AGBL4: variants seen among roughly 807,000 people sequenced by gnomAD.
AGBL4 encodes the protein cytosolic carboxypeptidase 6.
In AGBL4, 58 loss-of-function variants were observed where a neutral mutation model predicts 66.4. That is an observed-to-expected ratio of 0.87 (90% CI 0.71 to 1.09). The LOEUF (loss-of-function observed/expected upper bound fraction) is 1.09. Ranked by LOEUF, AGBL4 falls within the 50% of genes least tolerant of loss-of-function variation. AGBL4 has a pLI of 0.00. For synonymous variants in AGBL4, 234 were observed against 222.9 expected (o/e 1.05, Z -0.44); for missense variants, 579 against 631.0 (o/e 0.92, Z 0.88).
At chr1:49,835,279 G>C (rs1050301591) in intron 2 of AGBL4, among the ~76,000 whole-genome samples, 16 of 152,190 alleles carry the variant, frequency 1.1e-4, no homozygotes, top group Middle Eastern at 3.4e-3. Context: ...TATGTATTTA[G>C]GATAGTTAGC....
At chr1:48,735,316 G>A (rs553806742) in intron 6 of AGBL4, among the ~76,000 whole-genome samples, 1 of 152,258 alleles carries the variant, frequency 6.6e-6, no homozygotes, top group South Asian at 2.1e-4. Flanking sequence ...CCTTGCAGAT[G>A]AAGGCTGTGT....
At chr1:49,305,947 C>T (rs1283226840) in intron 3 of AGBL4, among the ~76,000 whole-genome samples, 6 of 152,154 alleles carry the variant, frequency 3.9e-5, no homozygotes. Flanking sequence ...ACCTTGGCCT[C>T]CCAAAGTGCT....
intron 1 of AGBL4, among the ~76,000 whole-genome samples, chr1:49,879,530 G>T (rs1311712435): frequency 2.0e-5 from 3 of 146,518 alleles, no homozygotes; most frequent in Non-Finnish European, 3.0e-5. Flanking sequence ...CGAGAGATCC[G>T]CTGTTAGTCT....
intron 2 of AGBL4, among the ~76,000 whole-genome samples, chr1:49,770,810 T>A (rs575896509): frequency 6.6e-6 from 1 of 152,190 alleles, no homozygotes; most frequent in Non-Finnish European, 1.5e-5. Context: ...CTGCTGTTCA[T>A]AGGAATCTCT....
chr1:49,536,667 T>C (rs1169442893), intron 3 of AGBL4, among the ~76,000 whole-genome samples: 2 of 152,152 alleles, frequency 1.3e-5, no homozygotes, highest in East Asian at 1.9e-4. Flanking sequence ...TACAAGGCTA[T>C]AGTAACAAAA....
intron 3 of AGBL4, among the ~76,000 whole-genome samples, chr1:49,318,127 G>A (rs556991394): frequency 6.6e-6 from 1 of 152,020 alleles, no homozygotes; most frequent in East Asian, 1.9e-4. Flanking sequence ...GAAGCCCTAG[G>A]ACCAAATCTT....
chr1:48,974,249 T>A (rs1659142971), intron 5 of AGBL4, among the ~76,000 whole-genome samples: 1 of 152,116 alleles, frequency 6.6e-6, no homozygotes, highest in South Asian at 2.1e-4. Context: ...TTGAGCCAAG[T>A]ATGCCTGTCA....
intron 3 of AGBL4, among the ~76,000 whole-genome samples, chr1:49,695,872 C>T (rs1646973601): frequency 6.6e-6 from 1 of 152,034 alleles, no homozygotes; most frequent in South Asian, 2.1e-4. Flanking sequence ...ATTTGCACCC[C>T]CTTTTTGCTG....
At chr1:49,829,232 G>C (rs1395973275) in intron 2 of AGBL4, among the ~76,000 whole-genome samples, 1 of 152,102 alleles carries the variant, frequency 6.6e-6, no homozygotes, top group Non-Finnish European at 1.5e-5. Flanking sequence ...GATGGATTAT[G>C]AACTATTAGA....
intron 4 of AGBL4, among the ~76,000 whole-genome samples, chr1:49,078,610 C>T (rs981325038): frequency 5.3e-5 from 8 of 152,174 alleles, no homozygotes; most frequent in Admixed American, 3.3e-4. Flanking sequence ...CCAGCCCTCA[C>T]TAGCTCTCCC....
At chr1:49,961,122 T>C (rs779928427) in intron 1 of AGBL4, among the ~76,000 whole-genome samples, 63 of 152,186 alleles carry the variant, frequency 4.1e-4, no homozygotes, top group Non-Finnish European at 6.0e-4. Flanking sequence ...TAATTAGATA[T>C]GCATATTGGA....
chr1:49,642,022 C>A (rs1303758567), intron 3 of AGBL4, among the ~76,000 whole-genome samples: 1 of 150,336 alleles, frequency 6.7e-6, no homozygotes, highest in Non-Finnish European at 1.5e-5. Flanking sequence ...TATTTACATG[C>A]TTTCAGGTAA....
At chr1:49,702,571 A>G (rs1647119844) in intron 2 of AGBL4, among the ~76,000 whole-genome samples, 1 of 152,148 alleles carries the variant, frequency 6.6e-6, no homozygotes, top group Admixed American at 6.6e-5. Context: ...TTTCAAACTC[A>G]TTCTATGAAA....
At chr1:49,224,646 A>G (rs982140123) in intron 4 of AGBL4, among the ~76,000 whole-genome samples, 1 of 151,548 alleles carries the variant, frequency 6.6e-6, no homozygotes, top group African/African-American at 2.4e-5. Flanking sequence ...AGAAATTCGA[A>G]TTGGCCTTAG....
At chr1:49,179,904 T>A in intron 4 of AGBL4, among the ~76,000 whole-genome samples, 1 of 151,810 alleles carries the variant, frequency 6.6e-6, no homozygotes, top group East Asian at 1.9e-4. Flanking sequence ...TTTTTTTATT[T>A]TTTTTTTATT....
rs551767387 is a variant in AGBL4, at chr1:49,143,902, C to A, written c.378-98102G>T. ...ATGCCATTTTTCAATCCAGACTGAG[C>A]TGGTTCTCTAGTGTAAAATAGCCCC... On this transcript the variant is annotated intron_variant, in intron 4 of 13. Coordinates refer to ENST00000371839, the MANE Select transcript of AGBL4 (RefSeq NM_032785.4). Among the ~76,000 whole-genome samples the A allele has an allele frequency of 2.6e-5, 4 of 152,298 alleles. No individual in the cohort carries two copies. The South Asian group carries it at 8.3e-4, about 32-fold the overall frequency.
chr1:49,676,726 A>T (rs1646585639), intron 3 of AGBL4, among the ~76,000 whole-genome samples: 1 of 152,030 alleles, frequency 6.6e-6, no homozygotes, highest in African/African-American at 2.4e-5. Flanking sequence ...ATGTCCTATT[A>T]CCTTTATGAC....
chr1:49,552,405 C>A (rs2148839823), intron 3 of AGBL4, among the ~76,000 whole-genome samples: 1 of 152,326 alleles, frequency 6.6e-6, no homozygotes, highest in Non-Finnish European at 1.5e-5. Context: ...CCTCTAGCTA[C>A]CATCCTGATG....
intron 5 of AGBL4, among the ~76,000 whole-genome samples, chr1:48,966,396 CT>C (rs1221311640): frequency 6.6e-6 from 1 of 152,112 alleles, no homozygotes; most frequent in Non-Finnish European, 1.5e-5. Flanking sequence ...CTCAAAATCA[CT>C]TTCAGACAGA....
Sources: gnomAD v4.1 joint callset for allele counts (sites outside exome capture counted in the v4.1 genomes callset) on GRCh38, gnomAD v4.1.1 for gene constraint, MANE v1.5 for transcripts, NCBI Gene and HGNC (gene_info 2026-07-23, HGNC 2026-07-21) for gene names.